MAF: variants seen among roughly 807,000 people sequenced by gnomAD.
MAF encodes MAF bZIP transcription factor.
In MAF, 10 loss-of-function variants were observed where a neutral mutation model predicts 22.0. The observed-to-expected ratio is 0.45, with a 90% confidence interval of 0.28 to 0.77. The LOEUF is 0.77. Ranked by LOEUF, MAF falls within the 30% of genes least tolerant of loss-of-function variation. The probability of loss-of-function intolerance (pLI) is 0.12; values close to 1 mark genes in which losing one functional copy is unlikely to be tolerated. For missense variants in MAF, 544 were observed against 548.4 expected, an observed-to-expected ratio of 0.99 and a Z score of 0.08; for synonymous variants, 337 against 255.8, an observed-to-expected ratio of 1.32 and a Z score of -3.03.
the MAF span, among the ~76,000 whole-genome samples, chr16:79,402,996 C>A: frequency 6.6e-6 from 1 of 152,182 alleles, no homozygotes; most frequent in Non-Finnish European, 1.5e-5. Flanking sequence ...TGGAGAGGGG[C>A]TGGGCCCTGG....
chr16:79,342,073 C>T, the MAF span, among the ~76,000 whole-genome samples: 1 of 152,128 alleles, frequency 6.6e-6, no homozygotes, highest in Admixed American at 6.5e-5. Flanking sequence ...ATCTTCAAAA[C>T]ACCGTGAGAA....
chr16:79,550,430 C>A, the MAF span, among the ~76,000 whole-genome samples: 3 of 152,058 alleles, frequency 2.0e-5, no homozygotes, highest in Admixed American at 6.6e-5. Context: ...GTCAAGTCAG[C>A]TGAGTCTCCA....
At chr16:79,438,490 A>G in the MAF span, among the ~76,000 whole-genome samples, 1 of 152,210 alleles carries the variant, frequency 6.6e-6, no homozygotes, top group African/African-American at 2.4e-5. Context: ...TATGTAAGGA[A>G]CGGGGCAGTG....
chr16:79,229,476 G>A, the MAF span: 1 of 152,112 alleles, frequency 6.6e-6, no homozygotes, highest in Non-Finnish European at 1.5e-5. Context: ...CACATTTCGA[G>A]GGACCGCCTG....
chr16:79,551,503 GA>G, the MAF span, among the ~76,000 whole-genome samples: 1 of 152,172 alleles, frequency 6.6e-6, no homozygotes, highest in Non-Finnish European at 1.5e-5. Flanking sequence ...AATTACAAGT[GA>G]GAAAGACGTG....
the MAF span, among the ~76,000 whole-genome samples, chr16:79,479,369 T>C: frequency 2.0e-5 from 3 of 152,224 alleles, no homozygotes; most frequent in Non-Finnish European, 2.9e-5. Context: ...CTATCATACC[T>C]TTTCCCGGAT....
the MAF span, among the ~76,000 whole-genome samples, chr16:79,532,076 T>C: frequency 3.9e-5 from 6 of 152,148 alleles, no homozygotes; most frequent in Non-Finnish European, 8.8e-5. Context: ...GGTTCCTATA[T>C]TGCACGGGAT....
chr16:79,595,967 A>T (rs916675735), intron 1 of MAF: 2 of 1,061,376 alleles, frequency 1.9e-6, no homozygotes, highest in East Asian at 1.0e-4. Context: ...TGTCATGTTT[A>T]TGTTAAATCT....
At chr16:79,587,614 AAATT>A (rs1912925954) in intron 1 of MAF, among the ~76,000 whole-genome samples, 1 of 152,170 alleles carries the variant, frequency 6.6e-6, no homozygotes, top group Non-Finnish European at 1.5e-5. Context: ...CAATTTTAGA[AAATT>A]ATTACAGAGC....
chr16:79,375,951 A>G, the MAF span, among the ~76,000 whole-genome samples: 3 of 152,208 alleles, frequency 2.0e-5, no homozygotes, highest in African/African-American at 7.2e-5. Context: ...CTGGGTGAGG[A>G]GAAATGCGGG....
the MAF span, among the ~76,000 whole-genome samples, chr16:79,577,492 G>A: frequency 1.3e-5 from 2 of 152,062 alleles, no homozygotes; most frequent in African/African-American, 2.4e-5. Flanking sequence ...ATTGTTACAG[G>A]TCAAAGATGG....
At chr16:79,530,556 C>T in the MAF span, among the ~76,000 whole-genome samples, 4 of 152,042 alleles carry the variant, frequency 2.6e-5, no homozygotes, top group Admixed American at 2.6e-4. Flanking sequence ...AGTGTGTTTC[C>T]AGGCATTTAC....
At chr16:79,257,750 G>C in the MAF span, among the ~76,000 whole-genome samples, 1 of 152,210 alleles carries the variant, frequency 6.6e-6, no homozygotes, top group Non-Finnish European at 1.5e-5. Context: ...ATGCGTCTCA[G>C]TAAGTGTGAG....
At chr16:79,517,086 G>C in the MAF span, among the ~76,000 whole-genome samples, 2 of 151,976 alleles carry the variant, frequency 1.3e-5, no homozygotes, top group African/African-American at 4.8e-5. Flanking sequence ...GTCTGTTTTA[G>C]CTATCTGGCA....
chr16:79,433,550 A>C, the MAF span, among the ~76,000 whole-genome samples: 1 of 151,992 alleles, frequency 6.6e-6, no homozygotes. Flanking sequence ...GTCATCTGAA[A>C]ATAATGGACA....
chr16:79,211,974 G>A, the MAF span: 3 of 1,527,932 alleles, frequency 2.0e-6, no homozygotes, highest in East Asian at 2.4e-5. Flanking sequence ...GGGAATTCCT[G>A]GGGTAAAGTA....
the MAF span, among the ~76,000 whole-genome samples, chr16:79,530,454 G>A: frequency 6.6e-6 from 1 of 151,936 alleles, no homozygotes; most frequent in African/African-American, 2.4e-5. Flanking sequence ...TTTCTCAGGG[G>A]AAAAAAATTT....
Position 79,598,825 on chromosome 16 carries a change from C to G in MAF, c.1078G>C (p.Gly360Arg). Residue 360 changes from glycine to arginine, a missense_variant, in exon 1 of 2, where the codon GGC (glycine) becomes CGC (arginine). This residue lies in a region of MAF where 129 missense variants were observed against 113.6 expected (regional missense o/e 1.14). Coordinates refer to ENST00000326043, the MANE Select transcript of MAF (RefSeq NM_005360.5). ...KLVSSGFRENGSSSDNPSSPE... is the reference protein window; with the variant it reads ...KLVSSGFRENRSSSDNPSSPE... ...GAGGACGGGTTGTCGCTGCTCGAGC[C>G]GTTTTCTCGGAAGCCGCTGCTCACC... is the stretch of plus-strand genomic sequence containing the variant. The G allele has an allele frequency of 1.2e-6, 2 of 1,613,808 alleles. No individual in the cohort carries two copies. The highest frequency in any genetic ancestry group is 2.2e-5 in the South Asian group (2 of 91,046).
chr16:79,211,842 C>T, the MAF span: 1,046 of 1,611,258 alleles, frequency 6.5e-4, no homozygotes, highest in Non-Finnish European at 8.3e-4. Flanking sequence ...CTGTGTGTGT[C>T]CCCTCACGCA....
Sources: allele counts gnomAD v4.1 joint callset (sites outside exome capture counted in the v4.1 genomes callset), GRCh38; gene constraint gnomAD v4.1.1; regional missense constraint gnomAD v4.1.1; transcripts MANE v1.5; gene names NCBI Gene and HGNC (gene_info 2026-07-23, HGNC 2026-07-21).